Variants in MEGF6 observed in about 807,000 individuals in gnomAD.
MEGF6 encodes multiple epidermal growth factor-like domains protein 6.
A neutral mutation model predicts 207.1 loss-of-function variants in MEGF6; 184 were observed. That is an observed-to-expected ratio of 0.89 (90% CI 0.79 to 1.00). MEGF6 has a LOEUF of 1.00. Among genes scored for constraint, MEGF6 ranks in the 50% least tolerant of loss-of-function variants. The pLI, the probability that MEGF6 is intolerant of heterozygous loss-of-function variation, is 0.00. For synonymous variants in MEGF6, 1,038 were observed against 910.0 expected (o/e 1.14, Z -2.53); for missense variants, 2,282 against 2,202.9 (o/e 1.04, Z -0.72).
At chr1:3,531,331 C>T (rs904587708) in intron 4 of MEGF6, 31 of 1,223,040 alleles carry the variant, frequency 2.5e-5, no homozygotes, top group African/African-American at 2.2e-4. Flanking sequence ...GCAGGCGGCT[C>T]GGGCTGGTTC....
At chr1:3,504,030 C>A (rs962976080) in intron 17 of MEGF6, among the ~76,000 whole-genome samples, 2 of 151,924 alleles carry the variant, frequency 1.3e-5, no homozygotes, top group Non-Finnish European at 2.9e-5. Context: ...GACCCCTTCT[C>A]ATTCCCCAGA....
At position 3,499,153 on chromosome 1, in the gene MEGF6, G is replaced by T; in HGVS notation, c.3079C>A (p.Pro1027Thr). The T allele has an allele frequency of 6.2e-7, 1 of 1,603,752 alleles. No individual in the cohort carries two copies. Among genetic ancestry groups the T allele is most frequent in the Non-Finnish European group, 8.5e-7 (1 of 1,176,574 alleles). ...TGTGGCTTACCCTGCAGGCAGGAGGGCCCCATCCAGCCAGGGGCACAGTGG... is the reference window on the plus strand; with the variant it reads ...TGTGGCTTACCCTGCAGGCAGGAGGTCCCCATCCAGCCAGGGGCACAGTGG... Reference protein sequence around the residue: ...QCHCAPGWMGPSCLQACPAGL... With the variant: ...QCHCAPGWMGTSCLQACPAGL... The change falls in exon 24 of 37, where the codon CCC (proline) becomes ACC (threonine). Residue 1027 changes from proline to threonine, a missense_variant. Pro to Thr is a conservative substitution (Grantham distance 38). Transcript: ENST00000356575.
At chr1:3,503,089 G>A (rs979150337) in intron 17 of MEGF6, among the ~76,000 whole-genome samples, 10 of 152,190 alleles carry the variant, frequency 6.6e-5, no homozygotes, top group Admixed American at 2.0e-4. Context: ...CCCTGCCTGG[G>A]GAGGAGCACC....
chr1:3,539,858 C>G (rs1345001763), intron 4 of MEGF6, among the ~76,000 whole-genome samples: 1 of 152,190 alleles, frequency 6.6e-6, no homozygotes, highest in African/African-American at 2.4e-5. Flanking sequence ...GTGCGCTGAG[C>G]TTTGCCATGT....
At chr1:3,611,762 A>G (rs1405373472), upstream of MEGF6, among the ~76,000 whole-genome samples, 4 of 121,988 alleles carry the variant, frequency 3.3e-5, no homozygotes, top group Admixed American at 8.0e-5. Flanking sequence ...CCCCGCCCAC[A>G]GCCTTCCCGA....
chr1:3,490,890 G>A (rs1198222479), intron 36 of MEGF6, 22 bp downstream of exon 36: 23 of 1,574,918 alleles, frequency 1.5e-5, no homozygotes, highest in East Asian at 7.0e-5. Context: ...GCAAGCCCAC[G>A]GGCATTCCCC....
Position 3,498,497 on chromosome 1 carries a change from A to C in MEGF6, c.3226T>G (p.Cys1076Gly), listed in dbSNP as rs1254683942. 6.4e-7 allele frequency: 1 copy of C among 1,573,244 alleles called. No individual in the cohort carries two copies. Among genetic ancestry groups the C allele is most frequent in the Non-Finnish European group, 8.6e-7 (1 of 1,160,938 alleles). Residue 1076 changes from cysteine (C) to glycine (G), a missense_variant and splice_region_variant, in exon 26 of 37, where the codon TGC becomes GGC. Transcript: ENST00000356575. ...CCAGCTCTGACGTCCCGGGGGAGGC[A>C]CTCTACAGGAGCAGAGGCAGGCACG... is the stretch of plus-strand genomic sequence containing the variant. ...GWAGLACEKE[C>G]LPRDVRAGCR...
chr1:3,498,897 C>A (rs1640731395), intron 24 of MEGF6, 71 bp from the exon 25 acceptor site: 3 of 1,524,518 alleles, frequency 2.0e-6, no homozygotes, highest in Non-Finnish European at 2.7e-6. Context: ...TCTGGCTTTC[C>A]AGCCCCATGT....
intron 4 of MEGF6, among the ~76,000 whole-genome samples, chr1:3,566,902 G>A (rs1643357358): frequency 6.6e-6 from 1 of 152,214 alleles, no homozygotes; most frequent in Admixed American, 6.5e-5. Context: ...TAGACTGAGT[G>A]CATCCTGGGG....
chr1:3,595,990 C>T (rs1644057840), intron 2 of MEGF6, among the ~76,000 whole-genome samples: 1 of 152,048 alleles, frequency 6.6e-6, no homozygotes, highest in Non-Finnish European at 1.5e-5. Context: ...CAGTAGGAGC[C>T]CCACACACAG....
intron 4 of MEGF6, among the ~76,000 whole-genome samples, chr1:3,548,405 G>A (rs537755489): frequency 1.3e-5 from 2 of 152,362 alleles, no homozygotes; most frequent in Admixed American, 6.5e-5. Flanking sequence ...AGCCGTCTCC[G>A]GACTGTTGGA....
At chr1:3,543,232 G>A (rs186923769) in intron 4 of MEGF6, among the ~76,000 whole-genome samples, 61 of 152,314 alleles carry the variant, frequency 4.0e-4, no homozygotes, top group Middle Eastern at 3.4e-3. Context: ...TGATGGGGCC[G>A]AGTCATCACT....
intron 5 of MEGF6, among the ~76,000 whole-genome samples, chr1:3,517,451 T>G (rs1189843066): frequency 6.6e-6 from 1 of 152,230 alleles, no homozygotes; most frequent in African/African-American, 2.4e-5. Flanking sequence ...ACACCCCAGA[T>G]GCTCCCAAGC....
At chr1:3,517,318 G>C (rs1641579071) in intron 5 of MEGF6, among the ~76,000 whole-genome samples, 1 of 152,308 alleles carries the variant, frequency 6.6e-6, no homozygotes, top group East Asian at 1.9e-4. Flanking sequence ...GACAGGCAGA[G>C]CCCTGAGACG....
chr1:3,521,938 C>A (rs1053134552), intron 5 of MEGF6, among the ~76,000 whole-genome samples: 5 of 152,188 alleles, frequency 3.3e-5, no homozygotes, highest in Admixed American at 2.6e-4. Context: ...CCAGGGGTCG[C>A]CAGGCCACCA....
the MEGF6 span, among the ~76,000 whole-genome samples, chr1:3,620,628 G>C: frequency 6.6e-6 from 1 of 152,236 alleles, no homozygotes. Context: ...CTCCACACAC[G>C]GAGTCCCCAC....
In MEGF6 at chr1:3,493,998, C is replaced by T. The variant is rs914549135; in HGVS notation, c.4256G>A (p.Arg1419Lys). The T allele has an allele frequency of 6.3e-7, 1 of 1,599,604 alleles. No homozygotes were observed. The highest frequency in any genetic ancestry group is 1.1e-5 in the South Asian group (1 of 89,262). The change falls in exon 33 of 37, where the codon AGG (arginine) becomes AAG (lysine). Residue 1419 changes from arginine to lysine, a missense_variant and splice_region_variant. By Grantham distance (26) the Arg-to-Lys change is conservative (BLOSUM62 2). Transcript: ENST00000356575. The part of the protein sequence containing the change: ...PAGFHGHFCE[R>K]GCEPGSFGEG... ...TCAGGGAGGCACCAAGCACTCACCC[C>T]TCTCACAGAAGTGGCCGTGGAAGCC...
At chr1:3,494,563 G>A in intron 31 of MEGF6, 50 bp downstream of exon 31, 1 of 1,562,174 alleles carries the variant, frequency 6.4e-7, no homozygotes, top group East Asian at 2.4e-5. Flanking sequence ...TGGCAGCCCA[G>A]GGCACCTCCC....
chr1:3,564,379 C>G (rs1279683328), intron 4 of MEGF6, among the ~76,000 whole-genome samples: 2 of 151,870 alleles, frequency 1.3e-5, no homozygotes, highest in African/African-American at 4.8e-5. Context: ...GGGGGGTTGT[C>G]TTTAGCCCTG....
Sources: allele counts gnomAD v4.1 joint callset (sites outside exome capture counted in the v4.1 genomes callset), GRCh38; gene constraint gnomAD v4.1.1; transcripts MANE v1.5; gene names NCBI Gene and HGNC (gene_info 2026-07-23, HGNC 2026-07-21).